CUX2: variants seen among roughly 807,000 people sequenced by gnomAD.
CUX2 encodes homeobox protein cut-like 2.
Under a neutral mutation model 144.8 loss-of-function variants are expected in CUX2, and 40 were observed. The ratio of observed to expected loss-of-function variants is 0.28; its 90% CI spans 0.21 to 0.36. The LOEUF is 0.36. Ranked by LOEUF, CUX2 falls within the 10% of genes least tolerant of loss-of-function variation. The pLI, the probability that CUX2 is intolerant of heterozygous loss-of-function variation, is 1.00. For synonymous variants in CUX2, 827 were observed against 875.6 expected (o/e 0.94, Z 0.98); for missense variants, 1,615 against 1,994.0 (o/e 0.81, Z 3.62).
chr12:111,123,559 A>C (rs1339028433), intron 1 of CUX2, among the ~76,000 whole-genome samples: 4 of 151,888 alleles, frequency 2.6e-5, no homozygotes. Flanking sequence ...TTTTTGAGAC[A>C]GGGTCTCACT....
At chr12:111,100,199 G>GTA (rs931957312) in intron 1 of CUX2, 8 of 372,912 alleles carry the variant, frequency 2.1e-5, no homozygotes, top group African/African-American at 1.8e-4. Context: ...GTGTGTGTGT[G>GTA]TGTATGTGTG....
chr12:111,067,373 G>GGAAT (rs1871063890), intron 1 of CUX2, among the ~76,000 whole-genome samples: 1 of 152,240 alleles, frequency 6.6e-6, no homozygotes, highest in South Asian at 2.1e-4. Context: ...AAGGAAGGAA[G>GGAAT]TCTAGAGCCG....
chr12:111,085,043 C>A (rs906453375), intron 1 of CUX2, among the ~76,000 whole-genome samples: 2 of 152,156 alleles, frequency 1.3e-5, no homozygotes, highest in Non-Finnish European at 2.9e-5. Context: ...GGCAACACTC[C>A]CTGCCTCCGT....
intron 1 of CUX2, among the ~76,000 whole-genome samples, chr12:111,044,142 A>G (rs1869885773): frequency 6.6e-6 from 1 of 152,090 alleles, no homozygotes; most frequent in Non-Finnish European, 1.5e-5. Flanking sequence ...GTTGACCCTT[A>G]CAAATCTCTT....
intron 9 of CUX2, among the ~76,000 whole-genome samples, chr12:111,301,457 C>T (rs1886289289): frequency 6.6e-6 from 1 of 152,096 alleles, no homozygotes; most frequent in South Asian, 2.1e-4. Flanking sequence ...GACAAGGACG[C>T]TGGCTGTTAG....
chr12:111,218,326 C>T lies in CUX2; in HGVS notation c.222+389C>T, dbSNP rs562175205. Among the ~76,000 whole-genome samples the T allele has an allele frequency of 4.4e-4, 67 of 152,140 alleles. No homozygotes were observed. The South Asian group carries it at 8.5e-3, about 19-fold the overall frequency. On this transcript the variant is annotated intron_variant, in intron 3 of 21. Transcript: ENST00000261726. ...GCCAGAAGTTCAAGACCAGCCTAGG[C>T]AGCATAGCAAGACCCCCATCTCTAC...
chr12:111,291,392 A>G, intron 4 of CUX2, 26 bp from the exon 5 acceptor site: 4 of 1,580,406 alleles, frequency 2.5e-6, no homozygotes, highest in South Asian at 2.4e-5. Context: ...GGCCCTCACT[A>G]TCCCTGTCTT....
In CUX2 at chr12:111,063,769, C is replaced by T. The variant is rs555654690; in HGVS notation, c.63+29529C>T. ...CACACATTCTTATTAGCATCGTAAT[C>T]GCTCCAAAATACTGATTCATTATTG... On this transcript the variant is annotated intron_variant, in intron 1 of 21. Transcript: ENST00000261726. Among the ~76,000 whole-genome samples, 7 of 152,334 alleles carry T rather than the reference C, an allele frequency of 4.6e-5. No individual in the cohort carries two copies. In the East Asian group the frequency reaches 1.3e-3, roughly 29 times the overall value.
intron 1 of CUX2, among the ~76,000 whole-genome samples, chr12:111,164,590 GA>G (rs201591693): frequency 6.7e-6 from 1 of 148,786 alleles, no homozygotes; most frequent in African/African-American, 2.5e-5. Context: ...AAATAAAAAA[GA>G]AAAAAAAAGA....
chr12:111,083,766 A>G (rs1425917064), intron 1 of CUX2, among the ~76,000 whole-genome samples: 1 of 152,092 alleles, frequency 6.6e-6, no homozygotes, highest in Non-Finnish European at 1.5e-5. Flanking sequence ...AGAGGGAAGC[A>G]CGGGAGTTTG....
Position 111,301,288 on chromosome 12 carries a change from T to C in CUX2, c.753+2699T>C, listed in dbSNP as rs140332641. The stretch of plus-strand genomic sequence containing the variant: ...ACCAGTTTGCCCCAATTCTTACTCC[T>C]GGGGTGAGAAAATGAGAACCAGCTG... On this transcript the variant is annotated intron_variant, in intron 9 of 21. Transcript: ENST00000261726. Among the ~76,000 whole-genome samples the C allele has an allele frequency of 6.6e-5, 10 of 152,314 alleles. No homozygotes were observed. In the East Asian group the frequency reaches 1.9e-3, roughly 29 times the overall value.
chr12:111,177,974 T>G (rs1462901507), intron 1 of CUX2, among the ~76,000 whole-genome samples: 1 of 152,256 alleles, frequency 6.6e-6, no homozygotes, highest in Non-Finnish European at 1.5e-5. Flanking sequence ...CAATAAGTTA[T>G]AGCTGTCATT....
intron 3 of CUX2, among the ~76,000 whole-genome samples, chr12:111,232,956 A>G (rs953157786): frequency 2.0e-5 from 3 of 152,132 alleles, no homozygotes; most frequent in Non-Finnish European, 1.5e-5. Context: ...ATATAATTCC[A>G]ACTGTACCAG....
chr12:111,210,574 G>T (rs11065829), intron 1 of CUX2, among the ~76,000 whole-genome samples: 70 of 152,204 alleles, frequency 4.6e-4, no homozygotes, highest in African/African-American at 1.7e-3. Context: ...CAGGTGGATT[G>T]CTTGAGTCTA....
chr12:111,330,684 TAC>T, intron 18 of CUX2, among the ~76,000 whole-genome samples: 1 of 54,746 alleles, frequency 1.8e-5, no homozygotes, highest in Non-Finnish European at 3.4e-5. Flanking sequence ...AAAATACATA[TAC>T]ATATATATAT....
In CUX2 at chr12:111,287,266, T is replaced by C. The variant is rs1328729003; in HGVS notation, c.302-4152T>C. Reference sequence around the variant, plus strand: ...ATAGTCGTTTGGCTCAATGGGCTCATGGCCAGCAGGGCCCCTGGGCCACGA... The same window carrying C: ...ATAGTCGTTTGGCTCAATGGGCTCACGGCCAGCAGGGCCCCTGGGCCACGA... On this transcript the variant is annotated intron_variant, in intron 4 of 21. Transcript: ENST00000261726. The surrounding 1 kb of genome is among the most constrained non-coding windows in gnomAD (Gnocchi z 4.2). Among the ~76,000 whole-genome samples, 1 of 152,244 alleles carries C rather than the reference T, an allele frequency of 6.6e-6. No individual in the cohort carries two copies. The highest frequency in any genetic ancestry group is 1.5e-5 in the Non-Finnish European group (1 of 68,048).
At chr12:111,250,126 T>A (rs1466339828) in intron 3 of CUX2, among the ~76,000 whole-genome samples, 1 of 152,066 alleles carries the variant, frequency 6.6e-6, no homozygotes, top group Non-Finnish European at 1.5e-5. Context: ...GAGCTCCTGG[T>A]GGGAGCCCAC....
rs549155035 is a variant in CUX2 at position 111,225,372 on chromosome 12, C to T, written c.222+7435C>T. Among the ~76,000 whole-genome samples the T allele has an allele frequency of 2.5e-4, 38 of 152,294 alleles. No individual in the cohort carries two copies. In the South Asian group the frequency reaches 7.3e-3, roughly 29 times the overall value. On this transcript the variant is annotated intron_variant, in intron 3 of 21. Coordinates refer to ENST00000261726, the MANE Select transcript of CUX2 (RefSeq NM_015267.4). ...GGTGACTGAGGCTCAGCCCGCAGCC[C>T]CTGATGGTGAGTGGGAACTCGGGCA...
Position 111,295,836 on chromosome 12 carries a change from G to C in CUX2, c.637+427G>C, listed in dbSNP as rs540049414. ...ACCAAGCCACCGACTTAGGGGAGGC[G>C]TTGGGGAGGGGTGAGGTCTGGGGCA... On this transcript the variant is annotated intron_variant, in intron 7 of 21. Coordinates refer to ENST00000261726, the MANE Select transcript of CUX2 (RefSeq NM_015267.4). The surrounding 1 kb of genome is among the most constrained non-coding windows in gnomAD (Gnocchi z 5.0). 6.6e-6 allele frequency among the ~76,000 whole-genome samples: 1 copy of C among 152,102 alleles called. No homozygotes were observed. Among genetic ancestry groups the C allele is most frequent in the Admixed American group, 6.5e-5 (1 of 15,276 alleles).
Sources: allele counts gnomAD v4.1 joint callset (sites outside exome capture counted in the v4.1 genomes callset), GRCh38; gene constraint gnomAD v4.1.1; non-coding constraint Gnocchi (gnomAD v3.1); transcripts MANE v1.5; gene names NCBI Gene and HGNC (gene_info 2026-07-23, HGNC 2026-07-21).